The following ZC4H2 variants were observed in gnomAD, a reference collection of about 807,000 sequenced individuals.
ZC4H2 encodes zinc finger C4H2-type containing, also known as zinc finger C4H2 domain-containing protein.
For synonymous variants in ZC4H2, 84 were observed against 66.3 expected (o/e 1.27, Z -1.30); for missense variants, 137 against 173.9 (o/e 0.79, Z 1.19).
Position 64,970,695 on chromosome X carries a change from TG to T in ZC4H2, c.53+5629del, listed in dbSNP as rs762730235. Among the ~76,000 whole-genome samples, 3 of 112,059 alleles carry T rather than the reference TG, an allele frequency of 2.7e-5. No homozygotes were observed. The East Asian group carries it at 8.5e-4, about 32-fold the overall frequency. ...TTTGGAGAAGACGAGGCATTTCATA[TG>T]GGTCTTCCTTGAAAAATGAGTAGGA... On this transcript the variant is annotated intron_variant, in intron 1 of 4. Transcript: ENST00000374839.
At chrX:64,986,921 CTTT>C (rs1028871395) in intron 1 of ZC4H2, among the ~76,000 whole-genome samples, 6 of 79,567 alleles carry the variant, frequency 7.5e-5, no homozygotes, top group Non-Finnish European at 2.4e-5. Flanking sequence ...CAAGATAATT[CTTT>C]TTTTTTTTTT....
At chrX:64,954,364 ATATATATAATTATATATATTTATAAT>A (rs1931055569) in intron 1 of ZC4H2, among the ~76,000 whole-genome samples, 3 of 75,972 alleles carry the variant, frequency 3.9e-5, no homozygotes, top group African/African-American at 1.7e-4. Context: ...AATTATATAT[ATATATATAATTATATATATTTATAAT>A]TATATATATA....
rs750982094 is a variant in ZC4H2, at chrX:64,920,006, G to T, written c.398+75C>A. On this transcript the variant is annotated intron_variant, in intron 3 of 4. Coordinates refer to ENST00000374839, the MANE Select transcript of ZC4H2 (RefSeq NM_018684.4). ...GCTTTGTGTATGTATACCTGCCCGT[G>T]TGTGTGTAGGTATGTAAGTATGTAT... 50 of 1,049,368 alleles carry T rather than the reference G, an allele frequency of 4.8e-5. No individual in the cohort carries two copies. The South Asian group carries it at 6.6e-4, about 14-fold the overall frequency. 86.5% of individuals were successfully genotyped at this position (1,049,368 alleles called of 1,213,427 possible). A position where few individuals can be genotyped will look rare whatever the true frequency, so the allele number is the denominator to read the frequency against.
chrX:64,986,585 A>G (rs16989570), intron 1 of ZC4H2, among the ~76,000 whole-genome samples: 26,751 of 111,153 alleles, frequency 0.24, 7,706 homozygotes, highest in African/African-American at 0.83. Flanking sequence ...GAACAAGGAG[A>G]GCTCCAAGGC....
At chrX:64,941,145 T>C (rs1003977342) in intron 1 of ZC4H2, among the ~76,000 whole-genome samples, 8 of 111,935 alleles carry the variant, frequency 7.1e-5, no homozygotes, top group African/African-American at 2.6e-4. Flanking sequence ...TATTTTATTC[T>C]CTTAATAGCA....
upstream of ZC4H2, chrX:64,976,574 C>T: frequency 2.3e-6 from 1 of 441,616 alleles, no homozygotes. Context: ...CTACAACTCC[C>T]AGAAGGCCAA....
chrX:64,959,763 G>C (rs1322185564), intron 1 of ZC4H2, among the ~76,000 whole-genome samples: 2 of 110,354 alleles, frequency 1.8e-5, no homozygotes, highest in Non-Finnish European at 3.8e-5. Flanking sequence ...CATGTGCTCA[G>C]ATACTGACGA....
intron 1 of ZC4H2, among the ~76,000 whole-genome samples, chrX:64,972,719 CT>C (rs1347834346): frequency 9.0e-6 from 1 of 111,599 alleles, no homozygotes; most frequent in East Asian, 2.8e-4. Context: ...CCCAGATTTC[CT>C]TTGGGAAGAC....
At chrX:64,945,525 T>C (rs1288113167) in intron 1 of ZC4H2, among the ~76,000 whole-genome samples, 1 of 111,787 alleles carries the variant, frequency 8.9e-6, no homozygotes, top group African/African-American at 3.3e-5. Context: ...TGACTCCTGC[T>C]GGGAGGTGTC....
chrX:64,956,541 C>T (rs1364640828), intron 1 of ZC4H2, among the ~76,000 whole-genome samples: 2 of 111,314 alleles, frequency 1.8e-5, no homozygotes, highest in Non-Finnish European at 3.8e-5. Flanking sequence ...ACCAGAAACC[C>T]AAAATGATGG....
At chrX:64,927,436 C>T (rs1929479269) in intron 1 of ZC4H2, among the ~76,000 whole-genome samples, 1 of 111,560 alleles carries the variant, frequency 9.0e-6, no homozygotes, top group African/African-American at 3.3e-5. Context: ...CCAGCTTCAT[C>T]CATGTCCCTG....
intron 1 of ZC4H2, among the ~76,000 whole-genome samples, chrX:64,933,428 C>T (rs1929845284): frequency 9.0e-6 from 1 of 111,654 alleles, no homozygotes; most frequent in Non-Finnish European, 1.9e-5. Flanking sequence ...ATTTAGAACC[C>T]TGTCTTGTCA....
intron 1 of ZC4H2, among the ~76,000 whole-genome samples, chrX:64,970,512 G>C (rs1931744220): frequency 9.4e-6 from 1 of 106,362 alleles, no homozygotes; most frequent in Admixed American, 1.0e-4. Flanking sequence ...GAGGGAGGGA[G>C]GGAGGGGGGA....
chrX:64,998,455 T>A (rs1476855020), intron 1 of ZC4H2, among the ~76,000 whole-genome samples: 1 of 112,078 alleles, frequency 8.9e-6, no homozygotes, highest in Non-Finnish European at 1.9e-5. Context: ...CAGAAATATA[T>A]TCCAATTATA....
At chrX:64,992,296 G>T (rs1220573548) in intron 1 of ZC4H2, among the ~76,000 whole-genome samples, 1 of 111,165 alleles carries the variant, frequency 9.0e-6, no homozygotes, top group Non-Finnish European at 1.9e-5. Flanking sequence ...CACCTTCCCT[G>T]CCTGACTCCA....
chrX:64,962,897 G>A (rs1303266903), intron 1 of ZC4H2, among the ~76,000 whole-genome samples: 3 of 111,315 alleles, frequency 2.7e-5, no homozygotes, highest in Non-Finnish European at 5.7e-5. Flanking sequence ...CATGTTCATG[G>A]ATTGGAAGAC....
intron 1 of ZC4H2, among the ~76,000 whole-genome samples, chrX:65,021,933 G>A (rs1932839791): frequency 8.9e-6 from 1 of 111,846 alleles, no homozygotes; most frequent in African/African-American, 3.3e-5. Flanking sequence ...TAGAAGAAAT[G>A]GAGAAATTCC....
intron 2 of ZC4H2, 141 bp downstream of exon 2, chrX:64,921,676 T>C (rs1929199466): frequency 1.5e-6 from 1 of 650,728 alleles, no homozygotes; most frequent in Non-Finnish European, 2.3e-6. Flanking sequence ...TCAGAACTCC[T>C]GAATTCTTCT....
intron 1 of ZC4H2, among the ~76,000 whole-genome samples, chrX:64,972,831 A>C (rs1247797884): frequency 8.9e-6 from 1 of 112,026 alleles, no homozygotes; most frequent in African/African-American, 3.2e-5. Flanking sequence ...CCTTATTTCT[A>C]TCTCTCATAC....
Sources: allele counts gnomAD v4.1 joint callset (sites outside exome capture counted in the v4.1 genomes callset), GRCh38; gene constraint gnomAD v4.1.1; transcripts MANE v1.5; gene names NCBI Gene and HGNC (gene_info 2026-07-23, HGNC 2026-07-21).